The following MAPRE2 variants were observed in gnomAD, a reference collection of about 807,000 sequenced individuals.
The protein encoded by MAPRE2 is microtubule-associated protein RP/EB family member 2.
In MAPRE2, 13 loss-of-function variants were observed where a neutral mutation model predicts 43.2. The observed-to-expected ratio is 0.30, with a 90% CI of 0.20 to 0.48. The LOEUF is 0.48. Among genes scored for constraint, MAPRE2 ranks in the 20% least tolerant of loss-of-function variants. MAPRE2 has a pLI of 0.99. For missense variants in MAPRE2, 161 were observed against 400.2 expected (o/e 0.40, Z 5.10); for synonymous variants, 135 against 148.8 (o/e 0.91, Z 0.68).
chr18:34,999,958 G>A (rs1227452193), intron 1 of MAPRE2, among the ~76,000 whole-genome samples: 4 of 151,860 alleles, frequency 2.6e-5, no homozygotes, highest in Non-Finnish European at 5.9e-5. Flanking sequence ...AGTGCGTGGC[G>A]GCGGAGGCAG....
intron 1 of MAPRE2, among the ~76,000 whole-genome samples, chr18:35,068,708 A>G (rs77436990): frequency 0.012 from 1,774 of 152,320 alleles, 16 homozygotes; most frequent in Middle Eastern, 0.017. Flanking sequence ...CAGCTAATAA[A>G]TCAAGAATGA....
chr18:34,982,995 T>C (rs1035451565), intron 1 of MAPRE2, among the ~76,000 whole-genome samples: 1 of 152,360 alleles, frequency 6.6e-6, no homozygotes, highest in Non-Finnish European at 1.5e-5. Context: ...ATCTTGTCTA[T>C]GGCTGTGGCA....
intron 2 of MAPRE2, among the ~76,000 whole-genome samples, chr18:35,032,685 T>A (rs2097048402): frequency 6.6e-6 from 1 of 152,078 alleles, no homozygotes; most frequent in African/African-American, 2.4e-5. Context: ...TTTTTTTTTG[T>A]TTTGTTTTTT....
At chr18:35,021,019 G>A (rs1486113572) in intron 2 of MAPRE2, among the ~76,000 whole-genome samples, 4 of 152,100 alleles carry the variant, frequency 2.6e-5, no homozygotes, top group Admixed American at 6.6e-5. Flanking sequence ...TCTTTGAGCC[G>A]AGCCTGCCTG....
chr18:35,030,161 CT>C (rs2097047144), intron 2 of MAPRE2, among the ~76,000 whole-genome samples: 1 of 152,148 alleles, frequency 6.6e-6, no homozygotes, highest in South Asian at 2.1e-4. Flanking sequence ...TAATTTACAG[CT>C]CCTCTCCCTC....
intron 1 of MAPRE2, among the ~76,000 whole-genome samples, chr18:35,063,676 A>C (rs1906673169): frequency 6.6e-6 from 1 of 151,962 alleles, no homozygotes; most frequent in Middle Eastern, 3.2e-3. Context: ...AGTTTGGTAA[A>C]CTCAGACTTT....
At chr18:35,020,475 T>C (rs1012112283) in intron 2 of MAPRE2, among the ~76,000 whole-genome samples, 2 of 152,018 alleles carry the variant, frequency 1.3e-5, no homozygotes, top group Admixed American at 6.6e-5. Flanking sequence ...ATTACTTCGG[T>C]TTATAAGCTG....
intron 2 of MAPRE2, among the ~76,000 whole-genome samples, chr18:35,009,148 A>G (rs1035967436): frequency 2.0e-5 from 3 of 152,164 alleles, no homozygotes; most frequent in African/African-American, 7.2e-5. Flanking sequence ...TAAGAAAATA[A>G]GATGCACCAT....
chr18:34,985,427 CTAT>C lies in MAPRE2; in HGVS notation c.-70+8349_-70+8351del, dbSNP rs1194774561. Among the ~76,000 whole-genome samples, 2 of 30,986 alleles carry C rather than the reference CTAT, an allele frequency of 6.5e-5. 1 individual carries two copies. The highest frequency in any genetic ancestry group is 1.1e-4 in the Non-Finnish European group (2 of 18,474). The allele number at this position is 30,986 out of a possible 152,430, so 20.3% of individuals were successfully genotyped here. A position where few individuals can be genotyped will look rare whatever the true frequency, so the allele number is the denominator to read the frequency against. The stretch of plus-strand genomic sequence containing the variant: ...ATATATTATAAATATAATATGTAAA[CTAT>C]ATTATATATTATATTTATATAACTA... On this transcript the variant is annotated intron_variant, in intron 1 of 7. Coordinates refer to the MAPRE2 transcript ENST00000413393.
Position 35,073,065 on chromosome 18 carries a change from C to A in MAPRE2, c.250+2743C>A, listed in dbSNP as rs1210091263. Among the ~76,000 whole-genome samples the A allele has an allele frequency of 2.6e-5, 4 of 152,206 alleles. No individual in the cohort carries two copies. The East Asian group carries it at 7.7e-4, about 29-fold the overall frequency. The stretch of plus-strand genomic sequence containing the variant: ...TTCCTGGGGAGCTGCTGAAAAAAAG[C>A]AGATGACCTTCTAAATCGGTACCTC... On this transcript the variant is annotated intron_variant, in intron 2 of 6. Transcript: ENST00000300249.
chr18:35,067,041 G>T (rs1011311022), intron 1 of MAPRE2, among the ~76,000 whole-genome samples: 2 of 152,084 alleles, frequency 1.3e-5, no homozygotes, highest in African/African-American at 2.4e-5. Context: ...GCCTTCATTG[G>T]TTCACTTATT....
At chr18:35,123,680 T>A (rs1909783962) in intron 4 of MAPRE2, among the ~76,000 whole-genome samples, 2 of 152,236 alleles carry the variant, frequency 1.3e-5, no homozygotes, top group African/African-American at 4.8e-5. Flanking sequence ...GTTTCCTTCT[T>A]GTCTTGCTGG....
At chr18:35,066,732 C>G (rs1451530017) in intron 1 of MAPRE2, among the ~76,000 whole-genome samples, 2 of 152,164 alleles carry the variant, frequency 1.3e-5, no homozygotes, top group East Asian at 1.9e-4. Flanking sequence ...CAGGACAGTT[C>G]CCCTTCCAGG....
intron 4 of MAPRE2, among the ~76,000 whole-genome samples, chr18:35,104,273 T>C (rs1388407699): frequency 1.3e-5 from 2 of 152,166 alleles, no homozygotes; most frequent in Non-Finnish European, 2.9e-5. Flanking sequence ...TAGGCCTAGA[T>C]TGCAGCAATT....
At chr18:34,987,583 A>G (rs1469829803) in intron 1 of MAPRE2, among the ~76,000 whole-genome samples, 1 of 152,178 alleles carries the variant, frequency 6.6e-6, no homozygotes, top group African/African-American at 2.4e-5. Context: ...AAATCATTGT[A>G]TTTCCATTTT....
intron 1 of MAPRE2, among the ~76,000 whole-genome samples, chr18:34,993,255 C>CGTT (rs1389165650): frequency 7.7e-6 from 1 of 130,074 alleles, no homozygotes; most frequent in East Asian, 2.2e-4. Flanking sequence ...CCATTCCCGC[C>CGTT]TTTTTTTTTT....
At chr18:35,107,650 A>C (rs567857984) in intron 4 of MAPRE2, among the ~76,000 whole-genome samples, 4 of 152,302 alleles carry the variant, frequency 2.6e-5, no homozygotes, top group African/African-American at 9.6e-5. Flanking sequence ...TCAGCGGACC[A>C]CATGCACTTG....
chr18:34,980,314 C>T (rs1466892088), intron 1 of MAPRE2, among the ~76,000 whole-genome samples: 1 of 152,074 alleles, frequency 6.6e-6, no homozygotes, highest in Non-Finnish European at 1.5e-5. Flanking sequence ...AGTGAGCCAC[C>T]ACACCAGCCC....
rs143928699 is a variant in MAPRE2, at chr18:35,096,526, A to G, written c.251-920A>G. Among the ~76,000 whole-genome samples, 19 of 152,144 alleles carry G rather than the reference A, an allele frequency of 1.2e-4. No homozygotes were observed. The South Asian group carries it at 1.9e-3, about 15-fold the overall frequency. On this transcript the variant is annotated intron_variant, in intron 2 of 6. Coordinates refer to ENST00000300249, the MANE Select transcript of MAPRE2 (RefSeq NM_014268.4). ...ATTTTTTCAAAAGTCCCCTTTTTCT[A>G]TGATCATTTCCCCAGGGGGCTCATT...
Sources: gnomAD v4.1 joint callset for allele counts (sites outside exome capture counted in the v4.1 genomes callset) on GRCh38, gnomAD v4.1.1 for gene constraint, MANE v1.5 for transcripts, NCBI Gene and HGNC (gene_info 2026-07-23, HGNC 2026-07-21) for gene names.